NRXN2: variants seen among roughly 807,000 people sequenced by gnomAD.
The protein encoded by NRXN2 is neurexin-2-beta.
A neutral mutation model predicts 128.8 loss-of-function variants in NRXN2; 29 were observed. That is an observed-to-expected ratio of 0.23 (90% CI 0.17 to 0.31). The LOEUF (loss-of-function observed/expected upper bound fraction) is 0.31, where lower values mean the gene tolerates loss of function less well. NRXN2 is among the 10% of genes least tolerant of loss of function. The probability of loss-of-function intolerance (pLI) is 1.00; values close to 1 mark genes in which losing one functional copy is unlikely to be tolerated. For synonymous variants in NRXN2, 1,098 were observed against 1,075.2 expected (o/e 1.02, Z -0.41); for missense variants, 1,881 against 2,452.6 (o/e 0.77, Z 4.92).
At chr11:64,697,064 C>T (rs374060712) in intron 3 of NRXN2, among the ~76,000 whole-genome samples, 2 of 152,172 alleles carry the variant, frequency 1.3e-5, no homozygotes, top group East Asian at 3.9e-4. Flanking sequence ...AAGAGGCCAA[C>T]AAAACAGGAG....
chr11:64,671,872 A>G (rs569152948), intron 7 of NRXN2, among the ~76,000 whole-genome samples: 1 of 152,124 alleles, frequency 6.6e-6, no homozygotes, highest in African/African-American at 2.4e-5. Flanking sequence ...TCCACCACCC[A>G]TTCGCCACCG....
chr11:64,707,196 T>C (rs539589746), intron 2 of NRXN2, among the ~76,000 whole-genome samples: 3 of 152,050 alleles, frequency 2.0e-5, no homozygotes, highest in African/African-American at 7.2e-5. Flanking sequence ...ATCGAGACCA[T>C]CCTGGCTAAC....
At chr11:64,707,767 G>T (rs1200677787) in intron 2 of NRXN2, among the ~76,000 whole-genome samples, 1 of 152,156 alleles carries the variant, frequency 6.6e-6, no homozygotes, top group African/African-American at 2.4e-5. Context: ...ACAACACACT[G>T]GACAGCTTTT....
intron 19 of NRXN2, among the ~76,000 whole-genome samples, chr11:64,629,423 T>C (rs1217468534): frequency 6.6e-6 from 1 of 152,162 alleles, no homozygotes; most frequent in Non-Finnish European, 1.5e-5. Flanking sequence ...AGCATCTCCA[T>C]CTACCTCTCC....
chr11:64,704,291 G>C (rs2055900193), intron 2 of NRXN2, among the ~76,000 whole-genome samples: 1 of 152,148 alleles, frequency 6.6e-6, no homozygotes, highest in Non-Finnish European at 1.5e-5. Context: ...ATCAAGGACA[G>C]TGATGAAGAC....
rs1259194146 is a variant in NRXN2 at position 64,607,214 on chromosome 11, G to A, written c.5121C>T (p.Asp1707=). The change falls in exon 23 of 23, where the codon GAC becomes GAT. Residue 1707 remains aspartate (D), a synonymous_variant. Coordinates refer to ENST00000265459, the MANE Select transcript of NRXN2 (RefSeq NM_015080.4). ...KTPSKAKKNK[D]KEYYV ...CGGGGGCTCAGACATAATACTCCTT[G>A]TCTTTGTTCTTCTTGGCCTTGCTGG... is the stretch of plus-strand genomic sequence containing the variant. 6.2e-7 allele frequency: 1 copy of A among 1,613,694 alleles called. No homozygotes were observed. The highest frequency in any genetic ancestry group is 1.1e-5 in the South Asian group (1 of 91,034).
chr11:64,651,998 GGAGAT>G lies in NRXN2; in HGVS notation c.2536+32_2536+36del, dbSNP rs1468370654. 6.2e-7 allele frequency: 1 copy of G among 1,606,362 alleles called. No individual in the cohort carries two copies. The highest frequency in any genetic ancestry group is 8.5e-7 in the Non-Finnish European group (1 of 1,179,856). On this transcript the variant is annotated intron_variant, in intron 13 of 22. Transcript: ENST00000265459. This position sits in a 1 kb window ranked among gnomAD's most constrained non-coding sequence, Gnocchi z 5.9. ...AGAACAGGGCCAAGCATAGGTCACT[GGAGAT>G]GTGTCCACCTCCCTGGGCCCAGACC...
chr11:64,668,599 G>T lies in NRXN2; in HGVS notation c.1203C>A (p.Thr401=). ...TGGTCAGGATCCCGTCCACCGAGATGGTCACCTGTCCAGCCCAGGAGGGAG... is the reference window on the plus strand; with the variant it reads ...TGGTCAGGATCCCGTCCACCGAGATTGTCACCTGTCCAGCCCAGGAGGGAG... ...AMVNKLHYLV[T]ISVDGILTTT... Residue 401 remains threonine, a synonymous_variant, in exon 8 of 23, where the codon ACC becomes ACA. Coordinates refer to ENST00000265459, the MANE Select transcript of NRXN2 (RefSeq NM_015080.4). 1 of 1,613,460 alleles carries T rather than the reference G, an allele frequency of 6.2e-7. No individual in the cohort carries two copies. The highest frequency in any genetic ancestry group is 1.1e-5 in the South Asian group (1 of 91,072).
intron 22 of NRXN2, 102 bp from the exon 23 acceptor site, chr11:64,608,184 G>T (rs945910265): frequency 7.7e-6 from 7 of 908,192 alleles, no homozygotes; most frequent in Middle Eastern, 3.2e-4. Flanking sequence ...ACCCAAATCG[G>T]TTCCAATTGG....
At chr11:64,688,795 GA>G in intron 5 of NRXN2, 1 of 985,354 alleles carries the variant, frequency 1.0e-6, no homozygotes, top group South Asian at 4.7e-5. Context: ...AACCATGCAT[GA>G]GGGACAAAGC....
intron 2 of NRXN2, among the ~76,000 whole-genome samples, chr11:64,708,934 G>C (rs1228070690): frequency 6.6e-6 from 1 of 152,150 alleles, no homozygotes; most frequent in Non-Finnish European, 1.5e-5. Flanking sequence ...GCTCACACCT[G>C]TAATCCCAGC....
Position 64,667,780 on chromosome 11 carries a change from C to T in NRXN2, c.1360-92G>A, listed in dbSNP as rs779916805. 1.7e-6 allele frequency: 2 copies of T among 1,196,502 alleles called. No individual in the cohort carries two copies. Among genetic ancestry groups the T allele is most frequent in the Non-Finnish European group, 2.4e-6 (2 of 822,058 alleles). 74.1% of individuals were successfully genotyped at this position (1,196,502 alleles called of 1,614,324 possible). Reference sequence around the variant, plus strand: ...CAGCAGCGAGCACCAGGGGACCCAGCCACCCACCCCTGTAGCCCCTGCTCA... The same window carrying T: ...CAGCAGCGAGCACCAGGGGACCCAGTCACCCACCCCTGTAGCCCCTGCTCA... On this transcript the variant is annotated intron_variant, in intron 8 of 22. Transcript: ENST00000265459. The surrounding 1 kb of genome is among the most constrained non-coding windows in gnomAD (Gnocchi z 5.6).
intron 22 of NRXN2, among the ~76,000 whole-genome samples, chr11:64,615,694 C>A (rs1360048593): frequency 6.6e-6 from 1 of 152,176 alleles, no homozygotes; most frequent in African/African-American, 2.4e-5. Context: ...TACAGGCATG[C>A]CTTGTACTGT....
rs1268075593 is a variant in NRXN2 at position 64,714,421 on chromosome 11, T to C, written c.-244-478A>G. Among the ~76,000 whole-genome samples, 4 of 152,152 alleles carry C rather than the reference T, an allele frequency of 2.6e-5. No homozygotes were observed. The highest frequency in any genetic ancestry group is 5.9e-5 in the Non-Finnish European group (4 of 68,044). ...GATAATGAAGTTGCTAAATAATTCA[T>C]TGGGATTAATTAAATGCCAATTCGT... is the stretch of plus-strand genomic sequence containing the variant. On this transcript the variant is annotated intron_variant, in intron 1 of 22. Coordinates refer to ENST00000265459, the MANE Select transcript of NRXN2 (RefSeq NM_015080.4). This position sits in a 1 kb window ranked among gnomAD's most constrained non-coding sequence, Gnocchi z 4.5.
At chr11:64,669,013 T>C (rs79864567) in intron 7 of NRXN2, among the ~76,000 whole-genome samples, 2,657 of 152,274 alleles carry the variant, frequency 0.017, 64 homozygotes, top group African/African-American at 0.059. Flanking sequence ...AGGTACTCTC[T>C]GGACACACAC....
chr11:64,655,872 G>A (rs2048202251), intron 11 of NRXN2, among the ~76,000 whole-genome samples: 1 of 152,224 alleles, frequency 6.6e-6, no homozygotes, highest in Admixed American at 6.5e-5. Flanking sequence ...CAAAGTTCAG[G>A]GGGCACTAAC....
At chr11:64,716,344 G>A (rs1273032832) in intron 1 of NRXN2, among the ~76,000 whole-genome samples, 1 of 152,122 alleles carries the variant, frequency 6.6e-6, no homozygotes, top group Non-Finnish European at 1.5e-5. Flanking sequence ...CCTTTAGGGA[G>A]ATGGCAGACG....
chr11:64,712,754 C>G (rs1565477845), intron 2 of NRXN2: 1 of 678,376 alleles, frequency 1.5e-6, no homozygotes, highest in Non-Finnish European at 2.8e-6. Context: ...CTGACCACGC[C>G]CAAGCCGGCC....
chr11:64,651,897 CCT>C lies in NRXN2; in HGVS notation c.2536+136_2536+137del. On this transcript the variant is annotated intron_variant, in intron 13 of 22. Transcript: ENST00000265459. The surrounding 1 kb of genome is among the most constrained non-coding windows in gnomAD (Gnocchi z 5.9). ...GTCCAGATGCCCATAACATTCCACC[CCT>C]GAAGGAGAAATGGCAGAGGCAGCTT... The C allele has an allele frequency of 7.4e-7, 1 of 1,356,646 alleles. No homozygotes were observed. The highest frequency in any genetic ancestry group is 1.0e-6 in the Non-Finnish European group (1 of 963,432). The allele number at this position is 1,356,646 out of a possible 1,614,324, so 84.0% of individuals were successfully genotyped here.
Sources: allele counts gnomAD v4.1 joint callset (sites outside exome capture counted in the v4.1 genomes callset), GRCh38; gene constraint gnomAD v4.1.1; non-coding constraint Gnocchi (gnomAD v3.1); transcripts MANE v1.5; gene names NCBI Gene and HGNC (gene_info 2026-07-23, HGNC 2026-07-21).